The following VRK1 variants were observed in gnomAD, a reference collection of about 807,000 sequenced individuals.
VRK1 encodes the protein serine/threonine-protein kinase VRK1.
VRK1 carries 33 observed loss-of-function variants against 57.1 expected under a neutral mutation model. The ratio of observed to expected loss-of-function variants is 0.58; its 90% CI spans 0.44 to 0.77. The LOEUF is 0.77. VRK1 is among the 30% of genes least tolerant of loss of function. The probability of loss-of-function intolerance (pLI) is 0.00; values close to 1 mark genes in which losing one functional copy is unlikely to be tolerated. For missense variants in VRK1, 413 were observed against 477.3 expected (o/e 0.87, Z 1.25); for synonymous variants, 137 against 147.8 (o/e 0.93, Z 0.53).
intron 5 of VRK1, among the ~76,000 whole-genome samples, chr14:96,850,414 T>C (rs913250451): frequency 1.3e-5 from 2 of 152,220 alleles, no homozygotes; most frequent in East Asian, 3.8e-4. Flanking sequence ...GGTTTTACTT[T>C]AGAGGAGTTA....
In VRK1 at chr14:96,853,190, A is replaced by G. The variant is rs772606234; in HGVS notation, c.576+24A>G. The G allele has an allele frequency of 8.2e-6, 13 of 1,589,584 alleles. No homozygotes were observed. The Admixed American group carries it at 2.0e-4, about 24-fold the overall frequency. ...AGGTAGTTTTATAACTTTAATTTCT[A>G]CTATTTAAAGCGTGTTGTTTGAAAA... On this transcript the variant is annotated intron_variant, in intron 7 of 12. Transcript: ENST00000216639.
At chr14:96,814,762 T>C (rs1406176271) in intron 1 of VRK1, among the ~76,000 whole-genome samples, 1 of 152,172 alleles carries the variant, frequency 6.6e-6, no homozygotes, top group African/African-American at 2.4e-5. Flanking sequence ...CAAGGTTCTT[T>C]CCTTGTATTT....
At chr14:96,844,492 C>T (rs1354781937) in intron 3 of VRK1, among the ~76,000 whole-genome samples, 1 of 152,162 alleles carries the variant, frequency 6.6e-6, no homozygotes, top group Middle Eastern at 3.2e-3. Flanking sequence ...GTTAAATGCT[C>T]ATTAATAACT....
chr14:96,802,646 A>G (rs150805313), intron 1 of VRK1, among the ~76,000 whole-genome samples: 1 of 152,388 alleles, frequency 6.6e-6, no homozygotes, highest in Non-Finnish European at 1.5e-5. Context: ...TGATGGTTAC[A>G]TGAATCTGTA....
chr14:96,813,168 A>C (rs1014818862), intron 1 of VRK1, among the ~76,000 whole-genome samples: 2 of 152,254 alleles, frequency 1.3e-5, no homozygotes, highest in African/African-American at 4.8e-5. Context: ...ACTAATGGTA[A>C]TACAGTATCA....
intron 1 of VRK1, among the ~76,000 whole-genome samples, chr14:96,827,065 G>A (rs1886823661): frequency 6.6e-6 from 1 of 152,040 alleles, no homozygotes; most frequent in African/African-American, 2.4e-5. Context: ...ACATTAATAA[G>A]CCTTTGTCTG....
At chr14:96,835,340 G>A (rs1887172319) in intron 2 of VRK1, among the ~76,000 whole-genome samples, 1 of 152,056 alleles carries the variant, frequency 6.6e-6, no homozygotes, top group Admixed American at 6.6e-5. Context: ...ATCTTTTATG[G>A]TAGCATACCT....
chr14:96,873,482 C>A (rs972688411), intron 11 of VRK1, among the ~76,000 whole-genome samples: 2 of 152,238 alleles, frequency 1.3e-5, no homozygotes, highest in Middle Eastern at 3.4e-3. Context: ...AAAGAATACT[C>A]AAGTTTATTT....
At chr14:96,875,353 G>C (rs945361075) in intron 11 of VRK1, among the ~76,000 whole-genome samples, 1 of 152,168 alleles carries the variant, frequency 6.6e-6, no homozygotes, top group South Asian at 2.1e-4. Context: ...AGAAAAATAG[G>C]ACAGGCCCAA....
At chr14:96,810,147 CTT>C (rs1464845421) in intron 1 of VRK1, among the ~76,000 whole-genome samples, 1 of 152,068 alleles carries the variant, frequency 6.6e-6, no homozygotes, top group Non-Finnish European at 1.5e-5. Flanking sequence ...CTGTTCAAGT[CTT>C]TTGTCCATTT....
chr14:96,814,248 C>G (rs1886310462), intron 1 of VRK1, among the ~76,000 whole-genome samples: 1 of 152,098 alleles, frequency 6.6e-6, no homozygotes, highest in African/African-American at 2.4e-5. Flanking sequence ...GACTATTGCT[C>G]TTTAAAGACT....
intron 1 of VRK1, among the ~76,000 whole-genome samples, chr14:96,805,685 T>C (rs947077264): frequency 6.6e-6 from 1 of 152,214 alleles, no homozygotes; most frequent in African/African-American, 2.4e-5. Flanking sequence ...TCTGTTCCTA[T>C]TTAGAACATG....
In VRK1 at chr14:96,833,928, G is replaced by A. The variant is rs78771679; in HGVS notation, c.160+297G>A. ...TTGAGACCCAAAGAAACCCATTTAC[G>A]TATCTTTCCCCTCCCACCTCCACCT... On this transcript the variant is annotated intron_variant, in intron 2 of 12. Coordinates refer to ENST00000216639, the MANE Select transcript of VRK1 (RefSeq NM_003384.3). Among the ~76,000 whole-genome samples, 2,282 of 152,166 alleles carry A rather than the reference G, an allele frequency of 0.015. 63 individuals are homozygous for A. Among genetic ancestry groups the A allele is most frequent in the African/African-American group, 0.052 (2,155 of 41,518 alleles).
chr14:96,862,119 C>T (rs994023916), intron 11 of VRK1, among the ~76,000 whole-genome samples: 3 of 145,136 alleles, frequency 2.1e-5, no homozygotes, highest in Non-Finnish European at 4.5e-5. Flanking sequence ...CCTTCCTTTG[C>T]AAATCCCTTT....
Position 96,879,384 on chromosome 14 carries a change from G to T in VRK1, c.1160-1793G>T, listed in dbSNP as rs182129915. Among the ~76,000 whole-genome samples, 10 of 152,146 alleles carry T rather than the reference G, an allele frequency of 6.6e-5. No individual in the cohort carries two copies. The East Asian group carries it at 1.9e-3, about 29-fold the overall frequency. On this transcript the variant is annotated intron_variant, in intron 12 of 12. Transcript: ENST00000216639. ...CTTTTAGTTGCAGTGAGAAACTTTGGATTGAAGGAGATGAGCAGCAGTGAT... is the reference window on the plus strand; with the variant it reads ...CTTTTAGTTGCAGTGAGAAACTTTGTATTGAAGGAGATGAGCAGCAGTGAT...
At chr14:96,856,325 A>T in intron 9 of VRK1, 75 bp downstream of exon 9, 1 of 1,554,674 alleles carries the variant, frequency 6.4e-7, no homozygotes, top group Non-Finnish European at 8.8e-7. Context: ...TCTTGATAGG[A>T]ACTATAGTTT....
intron 1 of VRK1, among the ~76,000 whole-genome samples, chr14:96,831,307 G>A (rs1886995403): frequency 6.6e-6 from 1 of 152,156 alleles, no homozygotes; most frequent in Non-Finnish European, 1.5e-5. Context: ...TAGGTGTTGA[G>A]TTTTGCTATC....
At chr14:96,818,755 G>T (rs1402298362) in intron 1 of VRK1, among the ~76,000 whole-genome samples, 1 of 152,040 alleles carries the variant, frequency 6.6e-6, no homozygotes, top group Admixed American at 6.5e-5. Context: ...GAACCTGGGG[G>T]CAGTTTCCTT....
intron 1 of VRK1, among the ~76,000 whole-genome samples, chr14:96,810,853 T>G (rs1295660496): frequency 6.6e-6 from 1 of 152,218 alleles, no homozygotes; most frequent in East Asian, 1.9e-4. Context: ...CCAGTTCGAA[T>G]GTGCTATCTA....
Sources: gnomAD v4.1 joint callset for allele counts (sites outside exome capture counted in the v4.1 genomes callset) on GRCh38, gnomAD v4.1.1 for gene constraint, MANE v1.5 for transcripts, NCBI Gene and HGNC (gene_info 2026-07-23, HGNC 2026-07-21) for gene names.